Variants in AGBL1 observed in about 807,000 individuals in gnomAD.
AGBL1 encodes AGBL carboxypeptidase 1.
In AGBL1, 130 loss-of-function variants were observed where a neutral mutation model predicts 118.9. The observed-to-expected ratio is 1.09, with a 90% CI of 0.95 to 1.26. The LOEUF is 1.26. Among genes scored for constraint, AGBL1 ranks in the 50% most tolerant of loss-of-function variants. The probability of loss-of-function intolerance (pLI) is 0.00; values close to 1 mark genes in which losing one functional copy is unlikely to be tolerated. For missense variants in AGBL1, 1,584 were observed against 1,298.1 expected (o/e 1.22, Z -3.38); for synonymous variants, 555 against 478.9 (o/e 1.16, Z -2.08).
chr15:86,786,981 A>G (rs1420295468), intron 22 of AGBL1, among the ~76,000 whole-genome samples: 25 of 152,184 alleles, frequency 1.6e-4, no homozygotes, highest in Admixed American at 1.4e-3. Flanking sequence ...ACTCGTACCA[A>G]CAGTGCATGA....
intron 23 of AGBL1, chr15:86,934,956 A>G (rs953375413): frequency 6.6e-6 from 1 of 152,186 alleles, no homozygotes; most frequent in African/African-American, 2.4e-5. Context: ...ATCACACCAA[A>G]TTTTCCAACC....
intron 21 of AGBL1, among the ~76,000 whole-genome samples, chr15:86,598,705 A>G (rs1174711723): frequency 6.6e-6 from 1 of 152,118 alleles, no homozygotes; most frequent in Admixed American, 6.6e-5. Context: ...CTGCACAAGC[A>G]ATGGGTCAAT....
At chr15:86,243,630 G>C (rs1171436920) in intron 6 of AGBL1, among the ~76,000 whole-genome samples, 1 of 152,106 alleles carries the variant, frequency 6.6e-6, no homozygotes, top group Non-Finnish European at 1.5e-5. Flanking sequence ...TTTTAGGGTG[G>C]GGTAGAGGAG....
At chr15:86,686,501 G>A (rs757142567) in intron 22 of AGBL1, among the ~76,000 whole-genome samples, 5 of 136,426 alleles carry the variant, frequency 3.7e-5, no homozygotes, top group Non-Finnish European at 6.1e-5. Context: ...GCAATGGCAT[G>A]ATCTCGGCTC....
intron 22 of AGBL1, among the ~76,000 whole-genome samples, chr15:86,753,492 G>T (rs1307272426): frequency 6.7e-6 from 1 of 148,928 alleles, no homozygotes; most frequent in Admixed American, 6.8e-5. Context: ...TTGCCTCCCG[G>T]ATTCAAGCAA....
chr15:86,111,761 G>A (rs187746595), intron 1 of AGBL1, among the ~76,000 whole-genome samples: 28 of 152,254 alleles, frequency 1.8e-4, no homozygotes, highest in African/African-American at 6.0e-4. Context: ...TCCAACCCCC[G>A]GGCCACAGAC....
intron 17 of AGBL1, among the ~76,000 whole-genome samples, chr15:86,335,663 A>G (rs575276788): frequency 6.6e-6 from 1 of 152,372 alleles, no homozygotes; most frequent in South Asian, 2.1e-4. Context: ...ATAAAATGAC[A>G]CAGTCCTTGA....
intron 24 of AGBL1, among the ~76,000 whole-genome samples, chr15:87,020,162 C>T (rs1035146124): frequency 3.9e-5 from 6 of 152,036 alleles, no homozygotes; most frequent in Non-Finnish European, 8.8e-5. Flanking sequence ...GAAGAATTTA[C>T]AGCTGAATTC....
intron 22 of AGBL1, among the ~76,000 whole-genome samples, chr15:86,706,044 A>G (rs2086444158): frequency 6.6e-6 from 1 of 152,166 alleles, no homozygotes; most frequent in Non-Finnish European, 1.5e-5. Flanking sequence ...TCTATAAGGT[A>G]AGGTTTAATT....
At chr15:86,992,166 G>A (rs777783046) in intron 24 of AGBL1, among the ~76,000 whole-genome samples, 8 of 151,932 alleles carry the variant, frequency 5.3e-5, no homozygotes, top group South Asian at 2.1e-4. Flanking sequence ...ACAAGGGGAT[G>A]TAGCACGTGC....
chr15:86,422,904 G>A (rs116918932), intron 18 of AGBL1, among the ~76,000 whole-genome samples: 7,025 of 152,128 alleles, frequency 0.046, 201 homozygotes, highest in East Asian at 0.073. Context: ...GGAAGAAGTC[G>A]AATAGACTAA....
intron 18 of AGBL1, among the ~76,000 whole-genome samples, chr15:86,459,374 A>G (rs1321166226): frequency 6.6e-6 from 1 of 152,148 alleles, no homozygotes; most frequent in African/African-American, 2.4e-5. Context: ...ACGAGTGACA[A>G]ATGTTCATTT....
chr15:86,783,651 A>G lies in AGBL1; in HGVS notation c.3158+109215A>G, dbSNP rs552404465. Among the ~76,000 whole-genome samples, 3 of 152,220 alleles carry G rather than the reference A, an allele frequency of 2.0e-5. 1 individual carries two copies. In the South Asian group the frequency reaches 6.2e-4, roughly 32 times the overall value. On this transcript the variant is annotated intron_variant, in intron 22 of 22. Transcript: ENST00000614907. ...CCATTTTTATTTGTATTTTTTTGAGACAGAGTCTCACTCCGTCACCCAGGC... is the reference window on the plus strand; with the variant it reads ...CCATTTTTATTTGTATTTTTTTGAGGCAGAGTCTCACTCCGTCACCCAGGC...
intron 9 of AGBL1, among the ~76,000 whole-genome samples, chr15:86,259,552 C>A (rs1316439427): frequency 6.6e-6 from 1 of 152,178 alleles, no homozygotes; most frequent in Non-Finnish European, 1.5e-5. Flanking sequence ...TAATCACTCA[C>A]CCTGCTGATG....
At chr15:86,509,579 C>T (rs1046103836) in intron 18 of AGBL1, among the ~76,000 whole-genome samples, 2 of 151,978 alleles carry the variant, frequency 1.3e-5, no homozygotes, top group South Asian at 2.1e-4. Flanking sequence ...AGAAACATTA[C>T]GATAGATAGA....
intron 18 of AGBL1, among the ~76,000 whole-genome samples, chr15:86,508,591 C>T (rs566830646): frequency 1.3e-4 from 20 of 151,932 alleles, no homozygotes; most frequent in Middle Eastern, 6.8e-3. Context: ...ATAAATATAG[C>T]TTTTTCTCCT....
intron 21 of AGBL1, among the ~76,000 whole-genome samples, chr15:86,638,389 T>TG (rs1227924052): frequency 5.9e-5 from 9 of 152,208 alleles, no homozygotes; most frequent in Admixed American, 5.2e-4. Context: ...CATTTTCACT[T>TG]GCATCTGTAT....
intron 21 of AGBL1, among the ~76,000 whole-genome samples, chr15:86,602,278 G>A (rs1272810886): frequency 6.6e-6 from 1 of 152,124 alleles, no homozygotes; most frequent in Non-Finnish European, 1.5e-5. Context: ...CTCCTTCATA[G>A]AATTATTCTG....
chr15:86,370,634 C>G (rs2080958571), intron 17 of AGBL1, among the ~76,000 whole-genome samples: 1 of 152,158 alleles, frequency 6.6e-6, no homozygotes, highest in Non-Finnish European at 1.5e-5. Context: ...GATACCTGCC[C>G]AAAGCACAGC....
Sources: allele counts gnomAD v4.1 joint callset (sites outside exome capture counted in the v4.1 genomes callset), GRCh38; gene constraint gnomAD v4.1.1; transcripts MANE v1.5; gene names NCBI Gene and HGNC (gene_info 2026-07-23, HGNC 2026-07-21).